The following HEATR4 variants were observed in gnomAD, a reference collection of about 807,000 sequenced individuals.
HEATR4 encodes HEAT repeat containing 4.
A neutral mutation model predicts 108.8 loss-of-function variants in HEATR4; 95 were observed. The ratio of observed to expected loss-of-function variants is 0.87; its 90% CI spans 0.74 to 1.04. HEATR4 has a LOEUF of 1.04. Among genes scored for constraint, HEATR4 ranks in the 50% least tolerant of loss-of-function variants. The pLI, the probability that HEATR4 is intolerant of heterozygous loss-of-function variation, is 0.00. For synonymous variants in HEATR4, 443 were observed against 459.4 expected, an observed-to-expected ratio of 0.96 and a Z score of 0.46; for missense variants, 1,152 against 1,253.8, an observed-to-expected ratio of 0.92 and a Z score of 1.23.
chr14:73,600,451 A>T, the HEATR4 span, among the ~76,000 whole-genome samples: 1 of 151,758 alleles, frequency 6.6e-6, no homozygotes, highest in Non-Finnish European at 1.5e-5. Flanking sequence ...CAGCCAGAAC[A>T]ATTTTCTTTT....
At chr14:73,555,506 T>C (rs1889380552) in intron 1 of HEATR4, among the ~76,000 whole-genome samples, 1 of 115,520 alleles carries the variant, frequency 8.7e-6, no homozygotes, top group Non-Finnish European at 1.9e-5. Context: ...AGATTCTTGT[T>C]AAGAGGAGTT....
chr14:73,522,556 G>A lies in HEATR4; in HGVS notation c.597C>T (p.Ala199=), dbSNP rs1595134575. ...EAWLLPPEKE[A]RAWEATVLEK... ...CCAGCACAGTGGCCTCCCACGCTCTGGCCTCCTTCTCAGGAGGCAGAAGCC... is the reference window on the plus strand; with the variant it reads ...CCAGCACAGTGGCCTCCCACGCTCTAGCCTCCTTCTCAGGAGGCAGAAGCC... Residue 199 remains alanine (A), a synonymous_variant, in exon 3 of 18, where the codon GCC becomes GCT. Transcript: ENST00000553558. 6.2e-7 allele frequency: 1 copy of A among 1,614,104 alleles called. No individual in the cohort carries two copies. The highest frequency in any genetic ancestry group is 8.5e-7 in the Non-Finnish European group (1 of 1,179,994).
At chr14:73,621,104 T>C in the HEATR4 span, among the ~76,000 whole-genome samples, 3 of 151,892 alleles carry the variant, frequency 2.0e-5, no homozygotes, top group Non-Finnish European at 4.4e-5. Context: ...TCCCAGCTAC[T>C]TGGGAGGCTG....
chr14:73,491,119 G>C (rs759171485), intron 17 of HEATR4: 1 of 1,607,144 alleles, frequency 6.2e-7, no homozygotes. Context: ...CCCTGCCCTT[G>C]AGGTCCAGGA....
At chr14:73,566,271 C>T in the HEATR4 span, among the ~76,000 whole-genome samples, 1 of 152,122 alleles carries the variant, frequency 6.6e-6, no homozygotes, top group Non-Finnish European at 1.5e-5. Flanking sequence ...GCTGGCTTCA[C>T]CCAGTGGATC....
the HEATR4 span, among the ~76,000 whole-genome samples, chr14:73,568,689 G>A: frequency 1.3e-5 from 2 of 152,024 alleles, no homozygotes; most frequent in African/African-American, 4.8e-5. Flanking sequence ...GGAGGCTGAG[G>A]CGGGCGGATT....
rs376614400 is a variant in HEATR4 at position 73,522,925 on chromosome 14, C to T, written c.228G>A (p.Glu76=). ...MAAANLTFSQ[E]VVWQRGLPSI... ...TGGGCAGGCCTCGCTGCCACACCAC[C>T]TCCTGAGAGAAGGTAAGGTTTGCAG... The change falls in exon 3 of 18, where the codon GAG becomes GAA. Residue 76 remains glutamate (E), a synonymous_variant. Transcript: ENST00000553558. 6.2e-7 allele frequency: 1 copy of T among 1,614,222 alleles called. No individual in the cohort carries two copies. The highest frequency in any genetic ancestry group is 1.3e-5 in the African/African-American group (1 of 75,048).
chr14:73,515,079 A>G (rs999418228), intron 5 of HEATR4, among the ~76,000 whole-genome samples: 1 of 151,774 alleles, frequency 6.6e-6, no homozygotes, highest in Non-Finnish European at 1.5e-5. Flanking sequence ...AAAAAAAAAA[A>G]ACAAAAAAAA....
chr14:73,616,175 C>T, the HEATR4 span, among the ~76,000 whole-genome samples: 1 of 151,998 alleles, frequency 6.6e-6, no homozygotes, highest in African/African-American at 2.4e-5. Context: ...GTTATGTTGC[C>T]CAGGCTGGTC....
chr14:73,606,366 CAA>C, the HEATR4 span, among the ~76,000 whole-genome samples: 1 of 114,508 alleles, frequency 8.7e-6, no homozygotes, highest in Non-Finnish European at 1.8e-5. Context: ...CAAAAAGAAA[CAA>C]ACAAACAAAA....
intron 17 of HEATR4, 35 bp downstream of exon 17, chr14:73,493,031 C>A: frequency 6.5e-7 from 1 of 1,530,384 alleles, no homozygotes; most frequent in South Asian, 1.2e-5. Flanking sequence ...AACTCACGTT[C>A]TTACCTTGAT....
intron 1 of HEATR4, among the ~76,000 whole-genome samples, chr14:73,531,650 GCACC>G (rs1888710343): frequency 7.3e-5 from 8 of 110,214 alleles, no homozygotes; most frequent in African/African-American, 2.3e-4. Flanking sequence ...CTCAAGTGAT[GCACC>G]TGCCTTGGCC....
chr14:73,557,654 C>CA (rs1240706368), intron 1 of HEATR4, among the ~76,000 whole-genome samples: 1 of 70,742 alleles, frequency 1.4e-5, no homozygotes, highest in Non-Finnish European at 3.1e-5. Context: ...AGTGTGCAGT[C>CA]AGCTTCTGGG....
intron 13 of HEATR4, 85 bp downstream of exon 13, chr14:73,498,986 A>G (rs1222573117): frequency 2.7e-6 from 3 of 1,128,498 alleles, no homozygotes; most frequent in Non-Finnish European, 2.7e-6. Context: ...ACTTCACCCC[A>G]TTAGAGAGTT....
At chr14:73,617,154 T>C in the HEATR4 span, 1 of 1,614,176 alleles carries the variant, frequency 6.2e-7, no homozygotes, top group Non-Finnish European at 8.5e-7. Flanking sequence ...TCTGGAGTAC[T>C]TTGAAGAAGC....
chr14:73,586,086 TTTTA>T, the HEATR4 span, among the ~76,000 whole-genome samples: 1 of 151,916 alleles, frequency 6.6e-6, no homozygotes, highest in African/African-American at 2.4e-5. Context: ...AACATTTATT[TTTTA>T]TTTTTACTTA....
chr14:73,491,360 C>T, intron 17 of HEATR4: 1 of 1,381,574 alleles, frequency 7.2e-7, no homozygotes, highest in Non-Finnish European at 9.3e-7. Context: ...CGCGCGCTCC[C>T]TGCAGACCCC....
At chr14:73,579,265 TAAAA>T in the HEATR4 span, among the ~76,000 whole-genome samples, 4 of 70,836 alleles carry the variant, frequency 5.6e-5, no homozygotes, top group East Asian at 5.1e-4. Flanking sequence ...TCAAAAAAAT[TAAAA>T]AAAAAAAAAA....
intron 12 of HEATR4, among the ~76,000 whole-genome samples, chr14:73,500,270 T>C (rs1383465721): frequency 6.7e-6 from 1 of 148,600 alleles, no homozygotes; most frequent in Non-Finnish European, 1.5e-5. Flanking sequence ...ATGAGAATTA[T>C]GCACGGACCT....
Sources: allele counts gnomAD v4.1 joint callset (sites outside exome capture counted in the v4.1 genomes callset), GRCh38; gene constraint gnomAD v4.1.1; transcripts MANE v1.5; gene names NCBI Gene and HGNC (gene_info 2026-07-23, HGNC 2026-07-21).